TNNI3K: variants seen among roughly 807,000 people sequenced by gnomAD.
TNNI3K encodes serine/threonine-protein kinase TNNI3K.
TNNI3K carries 140 observed loss-of-function variants against 114.5 expected under a neutral mutation model. The observed-to-expected ratio is 1.22, with a 90% confidence interval of 1.07 to 1.41. The LOEUF is 1.41. Ranked by LOEUF, TNNI3K falls within the 40% of genes most tolerant of loss-of-function variation. The probability of loss-of-function intolerance (pLI) is 0.00; values close to 1 mark genes in which losing one functional copy is unlikely to be tolerated. For synonymous variants in TNNI3K, 347 were observed against 347.5 expected, an observed-to-expected ratio of 1.00 and a Z score of 0.02; for missense variants, 1,125 against 1,007.6, an observed-to-expected ratio of 1.12 and a Z score of -1.58.
chr1:74,498,690 T>C (rs950208362), intron 23 of TNNI3K, among the ~76,000 whole-genome samples: 1 of 152,146 alleles, frequency 6.6e-6, no homozygotes, highest in Non-Finnish European at 1.5e-5. Flanking sequence ...CATCCAAAAA[T>C]AATGAACTAC....
At chr1:74,264,753 T>A (rs1031488905) in intron 4 of TNNI3K, among the ~76,000 whole-genome samples, 1 of 152,016 alleles carries the variant, frequency 6.6e-6, no homozygotes, top group African/African-American at 2.4e-5. Flanking sequence ...GGAAGTATTT[T>A]ATGACTAAAC....
intron 23 of TNNI3K, among the ~76,000 whole-genome samples, chr1:74,524,775 A>G (rs1260236878): frequency 6.6e-6 from 1 of 151,690 alleles, no homozygotes; most frequent in Admixed American, 6.6e-5. Context: ...AAAATGAAAA[A>G]GAAAGGAAGT....
chr1:74,264,425 A>G (rs1655850572), intron 4 of TNNI3K, among the ~76,000 whole-genome samples: 1 of 152,048 alleles, frequency 6.6e-6, no homozygotes. Context: ...AGCCCTGAAT[A>G]GTTCCTTGTC....
intron 17 of TNNI3K, among the ~76,000 whole-genome samples, chr1:74,410,731 A>G (rs2100611138): frequency 6.6e-6 from 1 of 152,338 alleles, no homozygotes; most frequent in Non-Finnish European, 1.5e-5. Flanking sequence ...AGATGATGAG[A>G]TAACTGTGAA....
chr1:74,388,515 TCTC>T (rs1228998314), intron 17 of TNNI3K, among the ~76,000 whole-genome samples: 1 of 152,082 alleles, frequency 6.6e-6, no homozygotes, highest in Admixed American at 6.5e-5. Context: ...TCAGTCTCCC[TCTC>T]CTCATCTCAT....
In TNNI3K at chr1:74,257,156, CCA is replaced by C. The variant is rs952702134; in HGVS notation, c.333+6388_333+6389del. Among the ~76,000 whole-genome samples, 2 of 152,072 alleles carry C rather than the reference CCA, an allele frequency of 1.3e-5. 1 individual carries two copies. Among genetic ancestry groups the C allele is most frequent in the Admixed American group, 1.3e-4 (2 of 15,276 alleles). On this transcript the variant is annotated intron_variant, in intron 4 of 24. Transcript: ENST00000326637. Reference sequence around the variant, plus strand: ...TCACAAACCACTTCTCTGCCATCTCCCATCTGATAACAATCCACCAGTGAATT... The same window carrying C: ...TCACAAACCACTTCTCTGCCATCTCCTCTGATAACAATCCACCAGTGAATT...
rs750747015 is a variant in TNNI3K, at chr1:74,445,619, TC to T, written c.2011+5998del. On this transcript the variant is annotated intron_variant, in intron 20 of 24. Transcript: ENST00000326637. ...CCACATTTTCTTTTTTTTCTTTTTT[TC>T]TTTTTTTTGAGACGGAGTCTCGCTC... Among the ~76,000 whole-genome samples the T allele has an allele frequency of 1.3e-3, 185 of 141,256 alleles. 38 individuals are homozygous for T. The highest frequency in any genetic ancestry group is 3.8e-3 in the East Asian group (19 of 4,942). The allele number at this position is 141,256 out of a possible 152,430, so 92.7% of individuals were successfully genotyped here. A position where few individuals can be genotyped will look rare whatever the true frequency, so the allele number is the denominator to read the frequency against.
chr1:74,323,007 A>G (rs1044282685), intron 5 of TNNI3K, among the ~76,000 whole-genome samples: 2 of 152,186 alleles, frequency 1.3e-5, no homozygotes, highest in African/African-American at 2.4e-5. Context: ...GTGCATCTCT[A>G]TATGGAAAAA....
chr1:74,237,935 G>A (rs1474260779), intron 2 of TNNI3K, among the ~76,000 whole-genome samples: 1 of 152,012 alleles, frequency 6.6e-6, no homozygotes, highest in Non-Finnish European at 1.5e-5. Context: ...AAGGCAGTGG[G>A]AGTTGTCAAG....
intron 9 of TNNI3K, among the ~76,000 whole-genome samples, chr1:74,345,538 A>G (rs1055934566): frequency 1.3e-5 from 2 of 152,140 alleles, no homozygotes; most frequent in Non-Finnish European, 2.9e-5. Flanking sequence ...AAAATGACTT[A>G]GGCAAGCTTA....
chr1:74,427,942 GT>G (rs11306298), intron 17 of TNNI3K, among the ~76,000 whole-genome samples: 19,065 of 145,516 alleles, frequency 0.13, 1,514 homozygotes, highest in African/African-American at 0.24. Context: ...AGAGTATGAG[GT>G]TTTTTTTTTT....
intron 21 of TNNI3K, among the ~76,000 whole-genome samples, chr1:74,486,399 T>G (rs1383753599): frequency 6.6e-6 from 1 of 152,122 alleles, no homozygotes; most frequent in Non-Finnish European, 1.5e-5. Context: ...TACTTGATCA[T>G]TCAGATACTG....
chr1:74,520,086 T>A (rs950010544), intron 23 of TNNI3K, among the ~76,000 whole-genome samples: 20 of 152,168 alleles, frequency 1.3e-4, no homozygotes, highest in Non-Finnish European at 1.2e-4. Context: ...TTTGTGAGAT[T>A]TTGGAGCACC....
At chr1:74,259,196 C>A (rs1350371052) in intron 4 of TNNI3K, among the ~76,000 whole-genome samples, 2 of 152,084 alleles carry the variant, frequency 1.3e-5, no homozygotes, top group Non-Finnish European at 2.9e-5. Context: ...TATTATGGAG[C>A]CCAAAAGTCC....
intron 23 of TNNI3K, among the ~76,000 whole-genome samples, chr1:74,532,328 C>CT (rs1646598626): frequency 6.6e-6 from 1 of 152,094 alleles, no homozygotes; most frequent in African/African-American, 2.4e-5. Flanking sequence ...GGATGTTTCT[C>CT]TAAGAAGAAT....
chr1:74,330,623 A>T lies in TNNI3K; in HGVS notation c.445-827A>T, dbSNP rs778255565. ...TTATGTGCAATACACATGTTAATAA[A>T]CTCCTGATTGTTTTTCTCTTATTTA... is the stretch of plus-strand genomic sequence containing the variant. On this transcript the variant is annotated intron_variant, in intron 5 of 24. Coordinates refer to ENST00000326637, the MANE Select transcript of TNNI3K (RefSeq NM_015978.3). Among the ~76,000 whole-genome samples, 37 of 151,950 alleles carry T rather than the reference A, an allele frequency of 2.4e-4. 1 individual carries two copies. The highest frequency in any genetic ancestry group is 5.0e-4 in the Non-Finnish European group (34 of 67,912).
At chr1:74,516,388 A>T (rs1205258783) in intron 23 of TNNI3K, among the ~76,000 whole-genome samples, 1 of 152,204 alleles carries the variant, frequency 6.6e-6, no homozygotes, top group African/African-American at 2.4e-5. Context: ...CTGACTTAAG[A>T]TGAGAATAGT....
At chr1:74,370,963 C>T (rs908735360) in intron 17 of TNNI3K, 3 of 151,796 alleles carry the variant, frequency 2.0e-5, no homozygotes, top group Non-Finnish European at 4.4e-5. Flanking sequence ...GGCCAATATA[C>T]AAAATGGAGC....
At chr1:74,388,757 A>T (rs1663617098) in intron 17 of TNNI3K, among the ~76,000 whole-genome samples, 1 of 152,042 alleles carries the variant, frequency 6.6e-6, no homozygotes, top group South Asian at 2.1e-4. Context: ...TTATTTTTTG[A>T]TGCTTGAAAA....
Sources: allele counts gnomAD v4.1 joint callset (sites outside exome capture counted in the v4.1 genomes callset), GRCh38; gene constraint gnomAD v4.1.1; transcripts MANE v1.5; gene names NCBI Gene and HGNC (gene_info 2026-07-23, HGNC 2026-07-21).